PTPRD: variants seen among roughly 807,000 people sequenced by gnomAD.
PTPRD encodes the protein receptor-type tyrosine-protein phosphatase delta.
Under a neutral mutation model 214.5 loss-of-function variants are expected in PTPRD, and 34 were observed. That is an observed-to-expected ratio of 0.16 (90% CI 0.12 to 0.21). The LOEUF (loss-of-function observed/expected upper bound fraction) is 0.21. Ranked by LOEUF, PTPRD falls within the 10% of genes least tolerant of loss-of-function variation. The pLI is 1.00. For synonymous variants in PTPRD, 1,128 were observed against 845.7 expected, an observed-to-expected ratio of 1.33 and a Z score of -5.79; for missense variants, 2,545 against 2,398.7, an observed-to-expected ratio of 1.06 and a Z score of -1.27.
chr9:9,684,618 T>C (rs1288806799), intron 7 of PTPRD, among the ~76,000 whole-genome samples: 2 of 151,790 alleles, frequency 1.3e-5, no homozygotes, highest in Non-Finnish European at 3.0e-5. Flanking sequence ...ATTCACTAAA[T>C]ACATAAAAGG....
intron 11 of PTPRD, among the ~76,000 whole-genome samples, chr9:8,850,552 C>A (rs934387969): frequency 6.6e-6 from 1 of 152,022 alleles, no homozygotes; most frequent in African/African-American, 2.4e-5. Flanking sequence ...TTTCTTCCCC[C>A]TCCCCGAGAA....
At chr9:8,577,751 G>C (rs2092603713) in intron 14 of PTPRD, among the ~76,000 whole-genome samples, 1 of 152,130 alleles carries the variant, frequency 6.6e-6, no homozygotes, top group African/African-American at 2.4e-5. Context: ...GATGGTTCCA[G>C]AGCAGCAGCC....
intron 2 of PTPRD, among the ~76,000 whole-genome samples, chr9:10,576,482 A>G (rs1272087520): frequency 1.3e-5 from 2 of 152,136 alleles, no homozygotes; most frequent in Non-Finnish European, 2.9e-5. Flanking sequence ...TCCACGTAAA[A>G]GGCTGACTGT....
At chr9:8,721,158 G>C (rs998065174) in intron 12 of PTPRD, among the ~76,000 whole-genome samples, 1 of 151,830 alleles carries the variant, frequency 6.6e-6, no homozygotes, top group African/African-American at 2.4e-5. Flanking sequence ...GCTGGGCGTA[G>C]TGGCTCACAC....
At chr9:10,517,081 A>AT (rs575556107) in intron 2 of PTPRD, among the ~76,000 whole-genome samples, 31 of 151,786 alleles carry the variant, frequency 2.0e-4, no homozygotes, top group African/African-American at 7.0e-4. Flanking sequence ...AAAATTTTAG[A>AT]TTTTTTTTCT....
At chr9:8,474,823 C>T (rs4338166) in intron 30 of PTPRD, among the ~76,000 whole-genome samples, 9,235 of 152,248 alleles carry the variant, frequency 0.061, 395 homozygotes, top group South Asian at 0.13. Context: ...ACAAACCACA[C>T]ATTTTCTTTT....
At chr9:8,353,990 C>T (rs1328048082) in intron 39 of PTPRD, among the ~76,000 whole-genome samples, 1 of 130,362 alleles carries the variant, frequency 7.7e-6, no homozygotes, top group Admixed American at 7.8e-5. Flanking sequence ...GAAGGAGTCT[C>T]ACTCTGTTGC....
intron 18 of PTPRD, among the ~76,000 whole-genome samples, chr9:8,524,286 C>A (rs1030928070): frequency 6.6e-6 from 1 of 151,904 alleles, no homozygotes; most frequent in African/African-American, 2.4e-5. Context: ...CCATTGCAAT[C>A]AAAAAACTAA....
At chr9:10,189,547 TATA>T (rs1249551379) in intron 3 of PTPRD, among the ~76,000 whole-genome samples, 1 of 152,174 alleles carries the variant, frequency 6.6e-6, no homozygotes, top group Non-Finnish European at 1.5e-5. Flanking sequence ...AGAGAGCTAT[TATA>T]ATATCACTTT....
intron 3 of PTPRD, among the ~76,000 whole-genome samples, chr9:10,062,399 A>G (rs1313996398): frequency 6.6e-6 from 1 of 152,022 alleles, no homozygotes; most frequent in Non-Finnish European, 1.5e-5. Flanking sequence ...TAAGGTCAGG[A>G]GTTCAAAACC....
chr9:10,300,752 G>A (rs1394694359), intron 3 of PTPRD, among the ~76,000 whole-genome samples: 1 of 152,054 alleles, frequency 6.6e-6, no homozygotes, highest in East Asian at 1.9e-4. Flanking sequence ...TGAAAAAAAG[G>A]CAGCAGCCCA....
intron 3 of PTPRD, among the ~76,000 whole-genome samples, chr9:10,108,817 G>C (rs291315): frequency 0.59 from 89,914 of 151,336 alleles, 27,621 homozygotes; most frequent in Middle Eastern, 0.78. Context: ...TATAAGAACA[G>C]ATAAACCTGG....
chr9:9,570,906 C>T (rs1054007424), intron 8 of PTPRD, among the ~76,000 whole-genome samples: 2 of 151,262 alleles, frequency 1.3e-5, no homozygotes, highest in Non-Finnish European at 3.0e-5. Flanking sequence ...TTTATAAACC[C>T]CAACATTTCT....
intron 2 of PTPRD, among the ~76,000 whole-genome samples, chr9:10,510,395 A>G (rs2047585279): frequency 6.6e-6 from 1 of 152,134 alleles, no homozygotes; most frequent in Non-Finnish European, 1.5e-5. Context: ...TCACATATAG[A>G]ACAGTTCCCT....
chr9:9,841,576 A>T (rs1434107453), intron 5 of PTPRD, among the ~76,000 whole-genome samples: 1 of 152,170 alleles, frequency 6.6e-6, no homozygotes, highest in Non-Finnish European at 1.5e-5. Flanking sequence ...GGACCTAGCG[A>T]TAGAACGGCC....
intron 5 of PTPRD, among the ~76,000 whole-genome samples, chr9:9,815,426 A>G (rs931473373): frequency 2.0e-5 from 3 of 152,200 alleles, no homozygotes; most frequent in Admixed American, 2.0e-4. Flanking sequence ...AAGGAAACGT[A>G]GAGAAAAGTC....
rs975173442 is a variant in PTPRD, at chr9:10,143,299, T to A, written c.-544-109509A>T. 3.3e-5 allele frequency among the ~76,000 whole-genome samples: 5 copies of A among 151,300 alleles called. No homozygotes were observed. The East Asian group carries it at 5.8e-4, about 18-fold the overall frequency. On this transcript the variant is annotated intron_variant, in intron 3 of 45. Coordinates refer to ENST00000381196, the MANE Select transcript of PTPRD (RefSeq NM_002839.4). ...TAATAATAAATAAAATAAAATAAAA[T>A]AAAAAAATAAATGCTCATTATCACT...
chr9:9,007,384 G>A (rs1449982944), intron 11 of PTPRD, among the ~76,000 whole-genome samples: 2 of 150,868 alleles, frequency 1.3e-5, no homozygotes, highest in African/African-American at 2.4e-5. Context: ...ACCCTCCAAA[G>A]CCTCTAAAAT....
At chr9:10,479,824 A>T (rs2099086357) in intron 2 of PTPRD, among the ~76,000 whole-genome samples, 1 of 152,004 alleles carries the variant, frequency 6.6e-6, no homozygotes, top group Admixed American at 6.6e-5. Context: ...CCATCTTAGA[A>T]AAAGAACAAA....
Sources: allele counts gnomAD v4.1 joint callset (sites outside exome capture counted in the v4.1 genomes callset), GRCh38; gene constraint gnomAD v4.1.1; transcripts MANE v1.5; gene names NCBI Gene and HGNC (gene_info 2026-07-23, HGNC 2026-07-21).